ARID1B: variants seen among roughly 807,000 people sequenced by gnomAD.
ARID1B encodes the protein AT-rich interactive domain-containing protein 1B.
A neutral mutation model predicts 212.3 loss-of-function variants in ARID1B; 30 were observed. That is an observed-to-expected ratio of 0.14 (90% CI 0.11 to 0.19). ARID1B has a LOEUF of 0.19. Among genes scored for constraint, ARID1B ranks in the 10% least tolerant of loss-of-function variants. The pLI is 1.00. For missense variants in ARID1B, 2,891 were observed against 3,204.0 expected (o/e 0.90, Z 2.36); for synonymous variants, 1,402 against 1,301.7 (o/e 1.08, Z -1.66).
intron 2 of ARID1B, among the ~76,000 whole-genome samples, chr6:156,894,256 A>G (rs566741920): frequency 0.012 from 619 of 50,370 alleles, 2 homozygotes; most frequent in Non-Finnish European, 0.019. Flanking sequence ...AGAAAGTGTA[A>G]TGGTGCTTGC....
chr6:156,903,897 CTTGT>C (rs1357024804), intron 3 of ARID1B, among the ~76,000 whole-genome samples: 2 of 152,106 alleles, frequency 1.3e-5, no homozygotes, highest in African/African-American at 4.8e-5. Context: ...TACTTGGTGT[CTTGT>C]TAATGCGATT....
At chr6:156,967,141 T>C (rs963421687) in intron 4 of ARID1B, among the ~76,000 whole-genome samples, 1 of 152,258 alleles carries the variant, frequency 6.6e-6, no homozygotes, top group Non-Finnish European at 1.5e-5. Context: ...ACTAGAGATA[T>C]ATAAACCTAG....
intron 4 of ARID1B, among the ~76,000 whole-genome samples, chr6:156,995,204 G>A (rs1001380179): frequency 5.3e-5 from 8 of 152,210 alleles, no homozygotes; most frequent in African/African-American, 9.7e-5. Context: ...CTGAGGTGAC[G>A]TACGAATGAG....
At chr6:156,981,820 T>G (rs569059891) in intron 4 of ARID1B, among the ~76,000 whole-genome samples, 1 of 152,322 alleles carries the variant, frequency 6.6e-6, no homozygotes, top group Non-Finnish European at 1.5e-5. Flanking sequence ...TCACATGCTT[T>G]TCTTTGAACA....
chr6:156,784,378 C>G (rs762697532), intron 1 of ARID1B, among the ~76,000 whole-genome samples: 1 of 152,162 alleles, frequency 6.6e-6, no homozygotes, highest in Non-Finnish European at 1.5e-5. Flanking sequence ...TTATAAATAT[C>G]TTTTCTCTAG....
rs373698022 is a variant in ARID1B, at chr6:157,173,833, C to T, written c.3236-175C>T. The T allele has an allele frequency of 2.7e-5, 15 of 546,472 alleles. No individual in the cohort carries two copies. In the Admixed American group the frequency reaches 3.1e-4, roughly 11 times the overall value. 33.9% of individuals were successfully genotyped at this position (546,472 alleles called of 1,614,324 possible). A position where few individuals can be genotyped will look rare whatever the true frequency, so the allele number is the denominator to read the frequency against. ...GATAAAAAAGGATTTTGCCAGAATG[C>T]GGTGCTGTTTGCATTTCAGAAATTA... On this transcript the variant is annotated intron_variant, in intron 9 of 19. Coordinates refer to ENST00000636930, the MANE Select transcript of ARID1B (RefSeq NM_001374828.1).
At chr6:157,167,401 T>C in intron 9 of ARID1B, 1 of 463,426 alleles carries the variant, frequency 2.2e-6, no homozygotes, top group Non-Finnish European at 3.6e-6. Context: ...CAATCTGTGT[T>C]TGTATAACAA....
intron 4 of ARID1B, among the ~76,000 whole-genome samples, chr6:156,984,319 A>AT (rs1777794009): frequency 6.6e-6 from 1 of 152,036 alleles, no homozygotes; most frequent in Admixed American, 6.6e-5. Context: ...ACCTCTTCAC[A>AT]TTTCTACCTA....
chr6:156,835,916 A>G (rs1197752110), intron 2 of ARID1B, among the ~76,000 whole-genome samples: 1 of 88,788 alleles, frequency 1.1e-5, no homozygotes, highest in Non-Finnish European at 2.4e-5. Context: ...TAATTTTTAA[A>G]TTTTTTTGTA....
chr6:157,136,777 G>A (rs904109588), intron 7 of ARID1B, among the ~76,000 whole-genome samples: 3 of 152,000 alleles, frequency 2.0e-5, no homozygotes, highest in Non-Finnish European at 2.9e-5. Context: ...CACAAGAATC[G>A]CTTGAACCCG....
Position 157,161,513 on chromosome 6 carries a change from C to T in ARID1B, c.3090-5527C>T, listed in dbSNP as rs138939190. On this transcript the variant is annotated intron_variant, in intron 8 of 19. Transcript: ENST00000636930. The stretch of plus-strand genomic sequence containing the variant: ...TAAAATATTAAATTTAAAATAACCT[C>T]GACTGAGTCTCTCCTTCTCAGTACT... Among the ~76,000 whole-genome samples the T allele has an allele frequency of 5.9e-4, 90 of 151,460 alleles. 2 individuals carry two copies. Among genetic ancestry groups the T allele is most frequent in the African/African-American group, 1.9e-3 (80 of 41,284 alleles).
At chr6:156,788,920 T>G (rs1051975131) in intron 1 of ARID1B, among the ~76,000 whole-genome samples, 5 of 152,228 alleles carry the variant, frequency 3.3e-5, no homozygotes, top group Admixed American at 2.6e-4. Context: ...TGACATATGA[T>G]CCTTAATTTT....
intron 4 of ARID1B, among the ~76,000 whole-genome samples, chr6:157,054,571 A>G (rs1458882684): frequency 6.6e-6 from 1 of 152,126 alleles, no homozygotes; most frequent in African/African-American, 2.4e-5. Flanking sequence ...ACTAGTAACC[A>G]CCTAGACCTC....
chr6:157,084,563 T>G, intron 4 of ARID1B, 99 bp from the exon 5 acceptor site: 1 of 1,451,264 alleles, frequency 6.9e-7, no homozygotes, highest in Non-Finnish European at 9.3e-7. Context: ...CAGAAAACCT[T>G]CATCTCTGAA....
rs1794602803 is a variant in ARID1B at position 157,208,175 on chromosome 6, T to C, written c.*284T>C. On this transcript the variant is annotated 3_prime_UTR_variant, in exon 20 of 20. Coordinates refer to ENST00000636930, the MANE Select transcript of ARID1B (RefSeq NM_001374828.1). ...TGCATTCAAAGGTCACTTTTTGTTCTTCACAGATCTTTTTAATGTTCTTTC... is the reference window on the plus strand; with the variant it reads ...TGCATTCAAAGGTCACTTTTTGTTCCTCACAGATCTTTTTAATGTTCTTTC... The C allele has an allele frequency of 6.6e-6, 2 of 302,684 alleles. No homozygotes were observed. Among genetic ancestry groups the C allele is most frequent in the African/African-American group, 2.1e-5 (1 of 47,152 alleles). 18.7% of individuals were successfully genotyped at this position (302,684 alleles called of 1,614,324 possible). A position where few individuals can be genotyped will look rare whatever the true frequency, so the allele number is the denominator to read the frequency against.
intron 1 of ARID1B, among the ~76,000 whole-genome samples, chr6:156,780,995 T>G (rs959772565): frequency 2.0e-5 from 3 of 152,222 alleles, no homozygotes; most frequent in Admixed American, 6.5e-5. Context: ...CCTTAAAATT[T>G]TTTTAAGATT....
chr6:156,908,481 G>A (rs1789589347), intron 3 of ARID1B, among the ~76,000 whole-genome samples: 1 of 152,032 alleles, frequency 6.6e-6, no homozygotes, highest in Non-Finnish European at 1.5e-5. Flanking sequence ...TGTATTGTGT[G>A]TCCTTGTAAA....
chr6:156,935,340 G>A (rs1427645595), intron 3 of ARID1B, 126 bp from the exon 4 acceptor site: 16 of 757,676 alleles, frequency 2.1e-5, no homozygotes, highest in East Asian at 1.1e-4. Context: ...TTGATCTCCC[G>A]AAGTGCTGGG....
chr6:156,956,486 C>T (rs1181969061), intron 4 of ARID1B, among the ~76,000 whole-genome samples: 2 of 152,132 alleles, frequency 1.3e-5, no homozygotes, highest in Non-Finnish European at 2.9e-5. Flanking sequence ...CCTCTAGGGA[C>T]AGCAGCCCTT....
Sources: allele counts gnomAD v4.1 joint callset (sites outside exome capture counted in the v4.1 genomes callset), GRCh38; gene constraint gnomAD v4.1.1; transcripts MANE v1.5; gene names NCBI Gene and HGNC (gene_info 2026-07-23, HGNC 2026-07-21).